The following ADGRL2 variants were observed in gnomAD, a reference collection of about 807,000 sequenced individuals.
ADGRL2 encodes calcium-independent alpha-latrotoxin receptor 2.
Under a neutral mutation model 157.4 loss-of-function variants are expected in ADGRL2, and 44 were observed. The ratio of observed to expected loss-of-function variants is 0.28; its 90% CI spans 0.22 to 0.36. ADGRL2 has a LOEUF of 0.36. Among genes scored for constraint, ADGRL2 ranks in the 10% least tolerant of loss-of-function variants. The probability of loss-of-function intolerance (pLI) is 1.00; values close to 1 mark genes in which losing one functional copy is unlikely to be tolerated. For missense variants in ADGRL2, 1,510 were observed against 1,768.9 expected (o/e 0.85, Z 2.63); for synonymous variants, 585 against 624.7 (o/e 0.94, Z 0.95).
chr1:81,368,808 G>A (rs1041239318), intron 1 of ADGRL2, among the ~76,000 whole-genome samples: 2 of 151,956 alleles, frequency 1.3e-5, no homozygotes, highest in Non-Finnish European at 2.9e-5. Context: ...GTTTTGCATC[G>A]CTCCATCCCA....
intron 17 of ADGRL2, among the ~76,000 whole-genome samples, chr1:81,978,084 A>G (rs949906271): frequency 5.9e-5 from 9 of 151,612 alleles, no homozygotes; most frequent in Non-Finnish European, 1.2e-4. Flanking sequence ...AATTAAAAAA[A>G]AAACACACTC....
chr1:81,403,598 G>T (rs2076800824), intron 1 of ADGRL2, among the ~76,000 whole-genome samples: 2 of 151,976 alleles, frequency 1.3e-5, no homozygotes, highest in Non-Finnish European at 2.9e-5. Context: ...TGTACCTCTA[G>T]GATGGCATAT....
chr1:81,584,079 A>C (rs984393310), intron 3 of ADGRL2, among the ~76,000 whole-genome samples: 1 of 151,378 alleles, frequency 6.6e-6, no homozygotes, highest in African/African-American at 2.5e-5. Flanking sequence ...CTTTGACCTA[A>C]GAGTGCCTCC....
At chr1:81,337,764 T>G (rs548475968) in intron 1 of ADGRL2, among the ~76,000 whole-genome samples, 1 of 152,182 alleles carries the variant, frequency 6.6e-6, no homozygotes, top group Non-Finnish European at 1.5e-5. Flanking sequence ...TCTTACACCC[T>G]GGCAGACTCT....
chr1:81,951,255 T>C (rs892172835), intron 8 of ADGRL2, 134 bp downstream of exon 8: 10 of 578,564 alleles, frequency 1.7e-5, no homozygotes, highest in African/African-American at 1.7e-4. Flanking sequence ...AAATTACGCA[T>C]AGTTTTGTCT....
intron 3 of ADGRL2, among the ~76,000 whole-genome samples, chr1:81,682,608 G>GA (rs2083143199): frequency 6.6e-6 from 1 of 152,160 alleles, no homozygotes; most frequent in Non-Finnish European, 1.5e-5. Flanking sequence ...TCCACAGAGA[G>GA]GGGGCAGCTC....
At chr1:81,742,576 T>C (rs1571031131) in intron 1 of ADGRL2, among the ~76,000 whole-genome samples, 1 of 152,004 alleles carries the variant, frequency 6.6e-6, no homozygotes. Context: ...TTTGGCATCA[T>C]GTGAAGAGTT....
At chr1:81,854,479 G>C (rs1320628476) in intron 2 of ADGRL2, among the ~76,000 whole-genome samples, 2 of 152,156 alleles carry the variant, frequency 1.3e-5, no homozygotes, top group Non-Finnish European at 2.9e-5. Flanking sequence ...ACCTGTACAA[G>C]TTATTTAACT....
At chr1:81,580,264 C>T (rs963501074) in intron 2 of ADGRL2, among the ~76,000 whole-genome samples, 3 of 152,030 alleles carry the variant, frequency 2.0e-5, no homozygotes, top group Admixed American at 6.6e-5. Flanking sequence ...TGTCTGTGCT[C>T]ACAGACAAGG....
At chr1:81,426,649 G>T in intron 1 of ADGRL2, 1 of 470,222 alleles carries the variant, frequency 2.1e-6, no homozygotes, top group South Asian at 1.6e-5. Flanking sequence ...CAGATTGTAT[G>T]GTAATGAGAC....
intron 3 of ADGRL2, among the ~76,000 whole-genome samples, chr1:81,676,954 G>C (rs1457131352): frequency 6.6e-6 from 1 of 150,954 alleles, no homozygotes; most frequent in Non-Finnish European, 1.5e-5. Context: ...GAGATTACAG[G>C]CGTGAGCCAC....
chr1:81,416,509 T>C (rs1328486622), intron 1 of ADGRL2, among the ~76,000 whole-genome samples: 1 of 152,202 alleles, frequency 6.6e-6, no homozygotes, highest in Admixed American at 6.5e-5. Flanking sequence ...CCAAATATTA[T>C]TGAATACATG....
chr1:81,535,425 G>T (rs1379159363), intron 2 of ADGRL2, among the ~76,000 whole-genome samples: 7 of 152,112 alleles, frequency 4.6e-5, no homozygotes, highest in African/African-American at 1.7e-4. Context: ...GTGAATGTGT[G>T]TGTAAGTGTG....
chr1:81,705,218 A>C (rs1447741793), intron 1 of ADGRL2, among the ~76,000 whole-genome samples: 1 of 151,922 alleles, frequency 6.6e-6, no homozygotes, highest in Non-Finnish European at 1.5e-5. Flanking sequence ...TGCCCCACTA[A>C]TTTTTGTATT....
chr1:81,677,311 A>T (rs1442475507), intron 3 of ADGRL2, among the ~76,000 whole-genome samples: 1 of 152,148 alleles, frequency 6.6e-6, no homozygotes, highest in East Asian at 1.9e-4. Context: ...TAAACGGAAG[A>T]TTCAGGTTCA....
chr1:81,327,701 AG>A (rs1366779568), intron 1 of ADGRL2, among the ~76,000 whole-genome samples: 1 of 152,206 alleles, frequency 6.6e-6, no homozygotes, highest in Non-Finnish European at 1.5e-5. Flanking sequence ...TGGCATTTGA[AG>A]AAGCTTAGAT....
At chr1:81,922,663 A>T (rs2095012544) in intron 3 of ADGRL2, among the ~76,000 whole-genome samples, 1 of 152,124 alleles carries the variant, frequency 6.6e-6, no homozygotes, top group African/African-American at 2.4e-5. Flanking sequence ...ACACTTTAGG[A>T]TATAACAGCA....
intron 3 of ADGRL2, among the ~76,000 whole-genome samples, chr1:81,673,607 C>T (rs556485488): frequency 3.8e-4 from 57 of 150,892 alleles, no homozygotes; most frequent in African/African-American, 1.3e-3. Context: ...CTCTGCCTCC[C>T]GGGTTCACAC....
intron 1 of ADGRL2, chr1:81,722,704 A>G: frequency 9.7e-7 from 1 of 1,032,284 alleles, no homozygotes; most frequent in South Asian, 1.3e-5. Context: ...AGAAAGTATG[A>G]GCGAAACGTG....
Sources: gnomAD v4.1 joint callset for allele counts (sites outside exome capture counted in the v4.1 genomes callset) on GRCh38, gnomAD v4.1.1 for gene constraint, MANE v1.5 for transcripts, NCBI Gene and HGNC (gene_info 2026-07-23, HGNC 2026-07-21) for gene names.